RASGEF1C: variants seen among roughly 807,000 people sequenced by gnomAD.
RASGEF1C encodes ras-GEF domain-containing family member 1C.
In RASGEF1C, 27 loss-of-function variants were observed where a neutral mutation model predicts 58.1. The observed-to-expected ratio is 0.46, with a 90% CI of 0.34 to 0.64. The LOEUF is 0.64. Ranked by LOEUF, RASGEF1C falls within the 30% of genes least tolerant of loss-of-function variation. The pLI is 0.01. For missense variants in RASGEF1C, 502 were observed against 605.1 expected (o/e 0.83, Z 1.79); for synonymous variants, 243 against 246.3 (o/e 0.99, Z 0.13).
intron 1 of RASGEF1C, among the ~76,000 whole-genome samples, chr5:180,207,300 A>G (rs1756505689): frequency 6.6e-6 from 1 of 152,210 alleles, no homozygotes; most frequent in Non-Finnish European, 1.5e-5. Context: ...TCACTGCAGG[A>G]GAAAGGGAAA....
At chr5:180,144,112 G>A (rs1867450) in intron 1 of RASGEF1C, among the ~76,000 whole-genome samples, 3,253 of 152,264 alleles carry the variant, frequency 0.021, 118 homozygotes, top group African/African-American at 0.074. Flanking sequence ...GCCAGCACTC[G>A]CCACGGGGAG....
At chr5:180,103,086 CT>C (rs776456040) in intron 12 of RASGEF1C, among the ~76,000 whole-genome samples, 1 of 151,994 alleles carries the variant, frequency 6.6e-6, no homozygotes, top group Non-Finnish European at 1.5e-5. Context: ...TCAGCATTAA[CT>C]TTTTTTTGAG....
chr5:180,154,566 G>A (rs570314602), intron 1 of RASGEF1C, among the ~76,000 whole-genome samples: 3 of 149,206 alleles, frequency 2.0e-5, no homozygotes, highest in Non-Finnish European at 3.0e-5. Flanking sequence ...CTGGTGGACT[G>A]GGCTGGACTC....
intron 13 of RASGEF1C, among the ~76,000 whole-genome samples, chr5:180,101,729 G>A (rs1047751838): frequency 2.6e-5 from 4 of 152,196 alleles, no homozygotes; most frequent in East Asian, 1.9e-4. Flanking sequence ...GTGTTAACAC[G>A]CCGAGCAAGA....
At chr5:180,147,526 G>A (rs979137230) in intron 1 of RASGEF1C, among the ~76,000 whole-genome samples, 3 of 151,928 alleles carry the variant, frequency 2.0e-5, no homozygotes, top group South Asian at 2.1e-4. Context: ...AAGTATTTTC[G>A]AATTTCCCTT....
intron 1 of RASGEF1C, among the ~76,000 whole-genome samples, chr5:180,208,464 T>C (rs1271773132): frequency 2.0e-5 from 3 of 152,072 alleles, no homozygotes; most frequent in African/African-American, 7.2e-5. Context: ...CTTGATGCCG[T>C]CCGCTGTCAC....
intron 4 of RASGEF1C, among the ~76,000 whole-genome samples, chr5:180,131,736 G>A (rs533768557): frequency 1.3e-5 from 2 of 152,194 alleles, no homozygotes; most frequent in African/African-American, 4.8e-5. Flanking sequence ...CTGCAGGCCC[G>A]TGCCAAAATC....
intron 1 of RASGEF1C, among the ~76,000 whole-genome samples, chr5:180,204,730 C>T (rs996965376): frequency 6.6e-6 from 1 of 152,056 alleles, no homozygotes; most frequent in African/African-American, 2.4e-5. Context: ...GGCCTTTTTA[C>T]TAAGGTCAGG....
intron 1 of RASGEF1C, among the ~76,000 whole-genome samples, chr5:180,184,184 AATAAAT>A (rs1755985295): frequency 3.4e-5 from 5 of 148,084 alleles, no homozygotes; most frequent in Non-Finnish European, 7.4e-5. Context: ...AATAAAAATA[AATAAAT>A]AAATAAATAA....
intron 1 of RASGEF1C, among the ~76,000 whole-genome samples, chr5:180,172,095 A>G (rs1767117212): frequency 1.3e-5 from 2 of 152,230 alleles, no homozygotes; most frequent in African/African-American, 4.8e-5. Context: ...CAATAGCTAT[A>G]AATAGATCTG....
At chr5:180,120,059 C>T (rs1256827621) in intron 7 of RASGEF1C, among the ~76,000 whole-genome samples, 2 of 152,070 alleles carry the variant, frequency 1.3e-5, no homozygotes, top group African/African-American at 4.8e-5. Flanking sequence ...CAGCCAGCGG[C>T]GTGAGGGTAG....
intron 1 of RASGEF1C, among the ~76,000 whole-genome samples, chr5:180,146,668 C>T (rs1397969775): frequency 6.6e-6 from 1 of 152,110 alleles, no homozygotes; most frequent in Non-Finnish European, 1.5e-5. Context: ...GAATAAACCT[C>T]CCTTGGTTGT....
At chr5:180,164,109 T>G (rs1273473011) in intron 1 of RASGEF1C, among the ~76,000 whole-genome samples, 1 of 152,224 alleles carries the variant, frequency 6.6e-6, no homozygotes, top group Non-Finnish European at 1.5e-5. Context: ...TTGTGTTTTC[T>G]CTCTTTTGTT....
chr5:180,137,457 G>T lies in RASGEF1C; in HGVS notation c.300+133C>A. 1 of 1,284,966 alleles carries T rather than the reference G, an allele frequency of 7.8e-7. No homozygotes were observed. The highest frequency in any genetic ancestry group is 2.5e-5 in the East Asian group (1 of 39,650). The allele number at this position is 1,284,966 out of a possible 1,614,324, so 79.6% of individuals were successfully genotyped here. A position where few individuals can be genotyped will look rare whatever the true frequency, so the allele number is the denominator to read the frequency against. On this transcript the variant is annotated intron_variant, in intron 3 of 13. Transcript: ENST00000361132. The surrounding 1 kb of genome is among the most constrained non-coding windows in gnomAD (Gnocchi z 4.1). Reference sequence around the variant, plus strand: ...CTTCTGGCTCTGGGCCTCAGACAAGGTGGAAACACCCGGTAGCCACCTTGT... The same window carrying T: ...CTTCTGGCTCTGGGCCTCAGACAAGTTGGAAACACCCGGTAGCCACCTTGT...
intron 1 of RASGEF1C, among the ~76,000 whole-genome samples, chr5:180,139,126 GGCA>G (rs965760357): frequency 1.3e-5 from 2 of 152,130 alleles, no homozygotes; most frequent in Non-Finnish European, 2.9e-5. Context: ...TGACGGGCCT[GGCA>G]GCAGCAGGTG....
chr5:180,112,957 AGGGACCG>A (rs1765985385), intron 11 of RASGEF1C, among the ~76,000 whole-genome samples: 2 of 147,282 alleles, frequency 1.4e-5, no homozygotes, highest in African/African-American at 5.1e-5. Flanking sequence ...GGATGGACGG[AGGGACCG>A]GGGATGGACG....
chr5:180,113,666 C>CCGGGGATGGATGGAGGGAT (rs1463816514), intron 11 of RASGEF1C, among the ~76,000 whole-genome samples: 2 of 92,538 alleles, frequency 2.2e-5, no homozygotes, highest in Admixed American at 1.1e-4. Flanking sequence ...GACGGAGGGA[C>CCGGGGATGGATGGAGGGAT]CGGGGATGGA....
intron 7 of RASGEF1C, among the ~76,000 whole-genome samples, chr5:180,120,400 G>A (rs1373769391): frequency 1.3e-5 from 2 of 152,194 alleles, no homozygotes; most frequent in East Asian, 3.9e-4. Context: ...TCATGAACAT[G>A]TGCCCCATAC....
chr5:180,161,708 G>C lies in RASGEF1C; in HGVS notation c.-6-23650C>G, dbSNP rs1452978286. ...AACACCGCTGTGGCTGCGCATTCGCGCCCATCTCTGCCGGGAGCCCCCTCC... is the reference window on the plus strand; with the variant it reads ...AACACCGCTGTGGCTGCGCATTCGCCCCCATCTCTGCCGGGAGCCCCCTCC... On this transcript the variant is annotated intron_variant, in intron 1 of 13. Transcript: ENST00000361132. Among the ~76,000 whole-genome samples the C allele has an allele frequency of 2.6e-5, 4 of 152,270 alleles. No individual in the cohort carries two copies. In the East Asian group the frequency reaches 7.7e-4, roughly 29 times the overall value.
Sources: gnomAD v4.1 joint callset for allele counts (sites outside exome capture counted in the v4.1 genomes callset) on GRCh38, gnomAD v4.1.1 for gene constraint, Gnocchi (gnomAD v3.1) non-coding constraint, MANE v1.5 for transcripts, NCBI Gene and HGNC (gene_info 2026-07-23, HGNC 2026-07-21) for gene names.